APOBEC3C: variants seen among roughly 807,000 people sequenced by gnomAD.
APOBEC3C encodes the protein DNA dC->dU-editing enzyme APOBEC-3C.
A neutral mutation model predicts 20.6 loss-of-function variants in APOBEC3C; 14 were observed. That is an observed-to-expected ratio of 0.68 (90% CI 0.45 to 1.06). The LOEUF (loss-of-function observed/expected upper bound fraction) is 1.06, where lower values mean the gene tolerates loss of function less well. Ranked by LOEUF, APOBEC3C falls within the 50% of genes least tolerant of loss-of-function variation. APOBEC3C has a pLI of 0.00. For missense variants in APOBEC3C, 244 were observed against 241.9 expected (o/e 1.01, Z -0.06); for synonymous variants, 98 against 88.8 (o/e 1.10, Z -0.58).
At chr22:39,015,874 ATTTTTT>A (rs57093395) in intron 2 of APOBEC3C, 123 bp downstream of exon 2, 76 of 544,980 alleles carry the variant, frequency 1.4e-4, no homozygotes, top group East Asian at 2.8e-4. Flanking sequence ...CCACATTTCT[ATTTTTT>A]TTTTTTTTTT....
chr22:39,017,615 C>T, intron 2 of APOBEC3C, 151 bp from the exon 3 acceptor site: 2 of 1,046,102 alleles, frequency 1.9e-6, no homozygotes, highest in South Asian at 3.1e-5. Flanking sequence ...ACCCCCTAAC[C>T]TGTGCACCAG....
intron 1 of APOBEC3C, 111 bp downstream of exon 1, chr22:39,014,490 T>G: frequency 1.8e-6 from 2 of 1,121,838 alleles, no homozygotes; most frequent in Non-Finnish European, 2.4e-6. Flanking sequence ...CTGGGCTCCC[T>G]CCCCCCTGGT....
At chr22:39,016,213 AT>A (rs1924777491) in intron 2 of APOBEC3C, among the ~76,000 whole-genome samples, 1 of 145,210 alleles carries the variant, frequency 6.9e-6, no homozygotes, top group African/African-American at 2.6e-5. Flanking sequence ...TTATTTATTT[AT>A]TTTGAGACGG....
At chr22:39,016,240 C>G (rs980111178) in intron 2 of APOBEC3C, among the ~76,000 whole-genome samples, 4 of 97,392 alleles carry the variant, frequency 4.1e-5, no homozygotes, top group African/African-American at 1.7e-4. Context: ...TGCTCTATCG[C>G]CCAGGCTGGA....
Position 39,018,513 on chromosome 22 carries a change from C to A in APOBEC3C, c.*126C>A, listed in dbSNP as rs1924888998. On this transcript the variant is annotated 3_prime_UTR_variant, in exon 4 of 4. Coordinates refer to ENST00000361441, the MANE Select transcript of APOBEC3C (RefSeq NM_014508.3). ...CCTGAGCCCCTCCTGGCCTCAGGGC[C>A]ATTCCACAGTGCTCCCCTGCCTCAC... 2 of 1,141,196 alleles carry A rather than the reference C, an allele frequency of 1.8e-6. No homozygotes were observed. The highest frequency in any genetic ancestry group is 3.1e-5 in the African/African-American group (2 of 64,220). The allele number at this position is 1,141,196 out of a possible 1,614,324, so 70.7% of individuals were successfully genotyped here.
In APOBEC3C at chr22:39,018,633, T is replaced by C; in HGVS notation, c.*246T>C. On this transcript the variant is annotated 3_prime_UTR_variant, in exon 4 of 4. Coordinates refer to ENST00000361441, the MANE Select transcript of APOBEC3C (RefSeq NM_014508.3). ...CCCCACAGACCCCGTTCCTCCAGCC[T>C]GCGTGCCCCTAACCTGGCTTTTCCC... The C allele has an allele frequency of 2.7e-6, 1 of 373,750 alleles. No individual in the cohort carries two copies. The highest frequency in any genetic ancestry group is 5.2e-5 in the East Asian group (1 of 19,400). The allele number at this position is 373,750 out of a possible 1,614,324, so 23.2% of individuals were successfully genotyped here.
At position 39,018,036 on chromosome 22, in the gene APOBEC3C, G is replaced by T. The variant is rs1437264666; in HGVS notation, c.445G>T (p.Asp149Tyr). Residue 149 changes from aspartate to tyrosine, a missense_variant, in exon 3 of 4, where the codon GAC (aspartate) becomes TAC (tyrosine). Asp to Tyr is a radical substitution (Grantham distance 160). Transcript: ENST00000361441. ...GGAAGGGGTCGCTGTGGAGATCATG[G>T]ACTATGAAGGTGAGACGTGGGGGGC... ...SQEGVAVEIM[D>Y]YEDFKYCWEN... The T allele has an allele frequency of 6.2e-7, 1 of 1,614,120 alleles. No homozygotes were observed.
intron 2 of APOBEC3C, among the ~76,000 whole-genome samples, chr22:39,016,981 C>A (rs1357251166): frequency 6.6e-6 from 1 of 152,216 alleles, no homozygotes; most frequent in Non-Finnish European, 1.5e-5. Flanking sequence ...TGCCTGTAAT[C>A]CCAGCACTTT....
Position 39,017,752 on chromosome 22 carries a change from TC to T in APOBEC3C, c.175-12del, listed in dbSNP as rs771160889. On this transcript the variant is annotated splice_polypyrimidine_tract_variant and intron_variant, in intron 2 of 3. Coordinates refer to ENST00000361441, the MANE Select transcript of APOBEC3C (RefSeq NM_014508.3). ...GGTCTGAGCTCCCCTGTCCTCCTCC[TC>T]CTCCTTCGCCAGGTGGATTCTGAGA... 1.3e-5 allele frequency: 21 copies of T among 1,609,632 alleles called. No individual in the cohort carries two copies. Among genetic ancestry groups the T allele is most frequent in the Non-Finnish European group, 1.5e-5 (18 of 1,176,770 alleles).
rs915686138 is a variant in APOBEC3C at position 39,019,448 on chromosome 22, C to T, written c.*1061C>T. 2.6e-5 allele frequency: 4 copies of T among 152,212 alleles called. No homozygotes were observed. Among genetic ancestry groups the T allele is most frequent in the African/African-American group, 9.7e-5 (4 of 41,436 alleles). The allele number at this position is 152,212 out of a possible 1,614,324, so 9.4% of individuals were successfully genotyped here. A position where few individuals can be genotyped will look rare whatever the true frequency, so the allele number is the denominator to read the frequency against. On this transcript the variant is annotated 3_prime_UTR_variant, in exon 4 of 4. Coordinates refer to ENST00000361441, the MANE Select transcript of APOBEC3C (RefSeq NM_014508.3). ...CGGACTCCGTGTATGTCTCAAATTA[C>T]AATTCTTTCTTTGCAAATGAAATAT...
rs1351566477 is a variant in APOBEC3C, at chr22:39,017,798, G to A, written c.207G>A (p.Arg69=). ...VDSETHCHAE[R]CFLSWFCDDI... ...CTGAGACCCATTGTCATGCAGAAAG[G>A]TGCTTCCTCTCTTGGTTCTGCGACG... The change falls in exon 3 of 4, where the codon AGG becomes AGA. Residue 69 remains arginine (R), a synonymous_variant. Transcript: ENST00000361441. 7 of 1,613,792 alleles carry A rather than the reference G, an allele frequency of 4.3e-6. No individual in the cohort carries two copies. The East Asian group carries it at 8.9e-5, about 21-fold the overall frequency.
rs747198141 is a variant in APOBEC3C, at chr22:39,017,974, A to G, written c.383A>G (p.Tyr128Cys). ...ACCGCCCGCCTCTACTACTTCCAGT[A>G]TCCATGTTACCAGGAGGGGCTCCGC... is the stretch of plus-strand genomic sequence containing the variant. ...IFTARLYYFQYPCYQEGLRSL... is the reference protein window; with the variant it reads ...IFTARLYYFQCPCYQEGLRSL... Residue 128 changes from tyrosine (Y) to cysteine (C), a missense_variant, in exon 3 of 4, where the codon TAT (tyrosine) becomes TGT (cysteine). Transcript: ENST00000361441. 7.1e-5 allele frequency: 114 copies of G among 1,614,074 alleles called. No individual in the cohort carries two copies. The highest frequency in any genetic ancestry group is 1.5e-4 in the South Asian group (14 of 91,094).
Position 39,015,765 on chromosome 22 carries a change from C to T in APOBEC3C, c.174+14C>T. On this transcript the variant is annotated intron_variant, in intron 2 of 3. Coordinates refer to ENST00000361441, the MANE Select transcript of APOBEC3C (RefSeq NM_014508.3). ...TTCCGAAACCAGGTAGCACCAAAGT[C>T]CTAGTTACACCCTAAATAGGAGCTA... 8 of 1,611,222 alleles carry T rather than the reference C, an allele frequency of 5.0e-6. No homozygotes were observed. The highest frequency in any genetic ancestry group is 6.8e-6 in the Non-Finnish European group (8 of 1,178,810).
Position 39,018,513 on chromosome 22 carries a change from C to T in APOBEC3C, c.*126C>T. On this transcript the variant is annotated 3_prime_UTR_variant, in exon 4 of 4. Transcript: ENST00000361441. ...CCTGAGCCCCTCCTGGCCTCAGGGC[C>T]ATTCCACAGTGCTCCCCTGCCTCAC... The T allele has an allele frequency of 8.8e-7, 1 of 1,141,314 alleles. No homozygotes were observed. Among genetic ancestry groups the T allele is most frequent in the Non-Finnish European group, 1.3e-6 (1 of 798,258 alleles). The allele number at this position is 1,141,314 out of a possible 1,614,324, so 70.7% of individuals were successfully genotyped here.
intron 1 of APOBEC3C, among the ~76,000 whole-genome samples, chr22:39,014,702 C>T (rs2146309986): frequency 6.6e-6 from 1 of 152,256 alleles, no homozygotes; most frequent in African/African-American, 2.4e-5. Flanking sequence ...CCTGGGAGCT[C>T]TGGAACTGGG....
intron 2 of APOBEC3C, among the ~76,000 whole-genome samples, chr22:39,016,915 A>G (rs1451971126): frequency 6.6e-6 from 1 of 152,226 alleles, no homozygotes; most frequent in Non-Finnish European, 1.5e-5. Flanking sequence ...TCTATGAGAC[A>G]GGGAAAGAAT....
chr22:39,018,240 C>T lies in APOBEC3C; in HGVS notation c.455-29C>T, dbSNP rs752973207. 21 of 1,607,896 alleles carry T rather than the reference C, an allele frequency of 1.3e-5. 1 individual carries two copies. The South Asian group carries it at 1.3e-4, about 10-fold the overall frequency. ...GGCCAGGAGAGAGGCCTGCTGGGCC[C>T]TCACTGTTTTCTCCTTGTTTTTTCT... On this transcript the variant is annotated intron_variant, in intron 3 of 3. Coordinates refer to ENST00000361441, the MANE Select transcript of APOBEC3C (RefSeq NM_014508.3).
intron 2 of APOBEC3C, among the ~76,000 whole-genome samples, chr22:39,016,568 T>C (rs1924793138): frequency 6.6e-6 from 1 of 152,040 alleles, no homozygotes; most frequent in Admixed American, 6.6e-5. Flanking sequence ...GACTCTCCTG[T>C]GATCAGATCG....
At chr22:39,018,115 C>A in intron 3 of APOBEC3C, 70 bp downstream of exon 3, 1 of 1,588,440 alleles carries the variant, frequency 6.3e-7, no homozygotes, top group South Asian at 1.2e-5. Context: ...TTCTCCAATG[C>A]TGTGGGGCGG....
Sources: allele counts gnomAD v4.1 joint callset (sites outside exome capture counted in the v4.1 genomes callset), GRCh38; gene constraint gnomAD v4.1.1; transcripts MANE v1.5; gene names NCBI Gene and HGNC (gene_info 2026-07-23, HGNC 2026-07-21).